Variants in CTNNA2 observed in about 807,000 individuals in gnomAD.
CTNNA2 encodes catenin alpha 2, also known as catenin alpha-2.
A neutral mutation model predicts 101.0 loss-of-function variants in CTNNA2; 42 were observed. The ratio of observed to expected loss-of-function variants is 0.42; its 90% CI spans 0.32 to 0.54. The LOEUF is 0.54. Among genes scored for constraint, CTNNA2 ranks in the 20% least tolerant of loss-of-function variants. The pLI is 0.14. For synonymous variants in CTNNA2, 450 were observed against 456.4 expected (o/e 0.99, Z 0.18); for missense variants, 871 against 1,223.1 (o/e 0.71, Z 4.29).
chr2:80,357,569 T>A (rs961178213), intron 7 of CTNNA2, among the ~76,000 whole-genome samples: 1 of 152,048 alleles, frequency 6.6e-6, no homozygotes, highest in African/African-American at 2.4e-5. Flanking sequence ...TGCTCCCCGA[T>A]TCCAAGTGGG....
chr2:79,464,950 G>A (rs1367361395), intron 4 of CTNNA2, among the ~76,000 whole-genome samples: 1 of 152,024 alleles, frequency 6.6e-6, no homozygotes, highest in Admixed American at 6.5e-5. Flanking sequence ...TCACTCTGAT[G>A]GCAGTTTCTT....
At chr2:79,649,002 T>C (rs1287445383) in intron 1 of CTNNA2, among the ~76,000 whole-genome samples, 1 of 152,186 alleles carries the variant, frequency 6.6e-6, no homozygotes, top group African/African-American at 2.4e-5. Context: ...GAGTGATTTG[T>C]CTGGGAACTA....
chr2:79,765,049 A>T (rs946565867), intron 3 of CTNNA2, among the ~76,000 whole-genome samples: 2 of 152,212 alleles, frequency 1.3e-5, no homozygotes, highest in Non-Finnish European at 2.9e-5. Context: ...CTTCAACAAG[A>T]TATCTAGGCA....
At chr2:80,050,347 CCT>C (rs1453940495) in intron 7 of CTNNA2, among the ~76,000 whole-genome samples, 1 of 152,202 alleles carries the variant, frequency 6.6e-6, no homozygotes, top group African/African-American at 2.4e-5. Flanking sequence ...CGTGTTCCTT[CCT>C]TTTTCTTAGA....
rs80176532 is a variant in CTNNA2 at position 79,256,917 on chromosome 2, T to C, written c.-405-55792T>C. Among the ~76,000 whole-genome samples, 1,060 of 152,290 alleles carry C rather than the reference T, an allele frequency of 7.0e-3. 15 individuals carry two copies. The highest frequency in any genetic ancestry group is 8.9e-3 in the Non-Finnish European group (607 of 68,016). ...AAAGAGTGTGCTCAGAAAATGTTAG[T>C]TGATATGATATTATTTTATTTGTAA... On this transcript the variant is annotated intron_variant, in intron 2 of 21. Coordinates refer to the CTNNA2 transcript ENST00000466387.
intron 7 of CTNNA2, chr2:80,304,961 G>A (rs982119387): frequency 1.9e-6 from 1 of 528,694 alleles, no homozygotes; most frequent in African/African-American, 2.2e-5. Context: ...GGTAGGGGTA[G>A]CATCATCCAC....
chr2:79,467,763 T>C (rs1464410676), intron 4 of CTNNA2, among the ~76,000 whole-genome samples: 1 of 152,228 alleles, frequency 6.6e-6, no homozygotes, highest in Non-Finnish European at 1.5e-5. Context: ...CAGAATTTCA[T>C]ATCCAGGCAA....
intron 2 of CTNNA2, among the ~76,000 whole-genome samples, chr2:79,241,488 G>A (rs1444447078): frequency 1.3e-5 from 2 of 152,084 alleles, no homozygotes; most frequent in South Asian, 2.1e-4. Flanking sequence ...CAATTGATGA[G>A]ACAAAATTTT....
intron 9 of CTNNA2, among the ~76,000 whole-genome samples, chr2:80,511,701 T>A (rs1474228672): frequency 6.6e-6 from 1 of 152,208 alleles, no homozygotes; most frequent in Admixed American, 6.5e-5. Flanking sequence ...AATAGAGTAC[T>A]GTAATACTAC....
chr2:79,740,467 T>C (rs79466141), intron 2 of CTNNA2, among the ~76,000 whole-genome samples: 2,846 of 152,244 alleles, frequency 0.019, 85 homozygotes, highest in East Asian at 0.12. Context: ...TGCTTTCAGC[T>C]GACACAAAAA....
chr2:79,779,480 C>T (rs995185169), intron 3 of CTNNA2, among the ~76,000 whole-genome samples: 1 of 152,178 alleles, frequency 6.6e-6, no homozygotes, highest in Non-Finnish European at 1.5e-5. Flanking sequence ...CTAATGGACA[C>T]ATGTCATTCT....
chr2:79,699,502 C>T (rs1030738490), intron 2 of CTNNA2, among the ~76,000 whole-genome samples: 1 of 151,730 alleles, frequency 6.6e-6, no homozygotes, highest in Admixed American at 6.6e-5. Context: ...GGCCAAAAGT[C>T]TCTATATAAA....
At chr2:80,628,057 G>A (rs1428946739) in intron 18 of CTNNA2, among the ~76,000 whole-genome samples, 2 of 151,994 alleles carry the variant, frequency 1.3e-5, no homozygotes, top group Admixed American at 6.6e-5. Context: ...AACTTGCAAG[G>A]GATATAAAGG....
rs540876767 is a variant in CTNNA2 at position 80,459,237 on chromosome 2, T to A, written c.1290+39636T>A. ...GAAGGTATTCCTACTCAGTGATCCATGAATTTAATTGGTCTGGGAGGAGTT... is the reference window on the plus strand; with the variant it reads ...GAAGGTATTCCTACTCAGTGATCCAAGAATTTAATTGGTCTGGGAGGAGTT... On this transcript the variant is annotated intron_variant, in intron 9 of 18. Transcript: ENST00000402739. 3.3e-5 allele frequency among the ~76,000 whole-genome samples: 5 copies of A among 152,098 alleles called. No homozygotes were observed. The South Asian group carries it at 1.0e-3, about 31-fold the overall frequency.
At chr2:79,202,439 T>G (rs1230728598) in intron 2 of CTNNA2, among the ~76,000 whole-genome samples, 1 of 151,896 alleles carries the variant, frequency 6.6e-6, no homozygotes, top group African/African-American at 2.4e-5. Flanking sequence ...GATTCTTGAG[T>G]TCAAGTGATC....
At chr2:79,733,906 G>A (rs1403672963) in intron 2 of CTNNA2, among the ~76,000 whole-genome samples, 1 of 152,048 alleles carries the variant, frequency 6.6e-6, no homozygotes, top group Admixed American at 6.6e-5. Context: ...TGGGATAATG[G>A]GAATTTGGGT....
chr2:79,376,589 C>A (rs1207672533), intron 4 of CTNNA2, among the ~76,000 whole-genome samples: 7 of 152,006 alleles, frequency 4.6e-5, no homozygotes, highest in African/African-American at 1.7e-4. Flanking sequence ...CACCCATTAA[C>A]TCCTCATTTA....
intron 7 of CTNNA2, among the ~76,000 whole-genome samples, chr2:80,198,851 T>C (rs1707010786): frequency 6.6e-6 from 1 of 152,106 alleles, no homozygotes; most frequent in Admixed American, 6.5e-5. Flanking sequence ...TTTTGTTTTG[T>C]TTTGTTTCCT....
At chr2:79,771,018 G>T (rs187976729) in intron 3 of CTNNA2, among the ~76,000 whole-genome samples, 2 of 152,290 alleles carry the variant, frequency 1.3e-5, no homozygotes, top group East Asian at 1.9e-4. Flanking sequence ...CTCTAACCTC[G>T]TGAAATTTCT....
Sources: allele counts gnomAD v4.1 joint callset (sites outside exome capture counted in the v4.1 genomes callset), GRCh38; gene constraint gnomAD v4.1.1; transcripts MANE v1.5; gene names NCBI Gene and HGNC (gene_info 2026-07-23, HGNC 2026-07-21).